The following ATF7IP variants were observed in gnomAD, a reference collection of about 807,000 sequenced individuals.
ATF7IP encodes the protein activating transcription factor 7 interacting protein, also known as activating transcription factor 7-interacting protein 1.
Under a neutral mutation model 106.4 loss-of-function variants are expected in ATF7IP, and 23 were observed. The observed-to-expected ratio is 0.22, with a 90% CI of 0.16 to 0.31. The LOEUF is 0.31. Ranked by LOEUF, ATF7IP falls within the 10% of genes least tolerant of loss-of-function variation. The probability of loss-of-function intolerance (pLI) is 1.00; values close to 1 mark genes in which losing one functional copy is unlikely to be tolerated. For missense variants in ATF7IP, 1,334 were observed against 1,524.3 expected (o/e 0.88, Z 2.08); for synonymous variants, 542 against 539.0 (o/e 1.01, Z -0.08).
intron 1 of ATF7IP, 141 bp from the exon 2 acceptor site, chr12:14,423,768 C>A: frequency 1.1e-6 from 1 of 888,904 alleles, no homozygotes; most frequent in Non-Finnish European, 1.6e-6. Context: ...AATTAGTATA[C>A]AACAAGCAGT....
chr12:14,496,392 A>G (rs1470117590), intron 14 of ATF7IP, 49 bp downstream of exon 14: 2 of 1,240,568 alleles, frequency 1.6e-6, no homozygotes, highest in South Asian at 2.5e-5. Flanking sequence ...TAGAGGTATA[A>G]AATATTATTG....
intron 6 of ATF7IP, among the ~76,000 whole-genome samples, chr12:14,450,670 G>A (rs2136679033): frequency 6.6e-6 from 1 of 152,190 alleles, no homozygotes; most frequent in Non-Finnish European, 1.5e-5. Flanking sequence ...CCTAATAAAT[G>A]GAATTTGAAA....
intron 1 of ATF7IP, among the ~76,000 whole-genome samples, chr12:14,381,214 A>G (rs1055806679): frequency 1.3e-5 from 2 of 152,118 alleles, no homozygotes; most frequent in Non-Finnish European, 2.9e-5. Flanking sequence ...GGATTGCTAC[A>G]TTAGTTACAA....
At chr12:14,387,644 C>T (rs1311756824) in intron 1 of ATF7IP, among the ~76,000 whole-genome samples, 1 of 152,036 alleles carries the variant, frequency 6.6e-6, no homozygotes, top group South Asian at 2.1e-4. Flanking sequence ...TAATTCTTTC[C>T]CTGCTGTGTT....
At chr12:14,430,143 C>T (rs1396670298) in intron 2 of ATF7IP, among the ~76,000 whole-genome samples, 2 of 152,008 alleles carry the variant, frequency 1.3e-5, no homozygotes, top group Non-Finnish European at 2.9e-5. Context: ...AAGAGCAGCC[C>T]CTGAGGTAGG....
At position 14,377,357 on chromosome 12, in the gene ATF7IP, AT is replaced by A. The variant is rs748791843; in HGVS notation, c.-8+11546del. On this transcript the variant is annotated intron_variant, in intron 1 of 14. Transcript: ENST00000261168. ...TACGGTTACAAATTTGATTTATCCAATTTTTTTTTTTTTTTTGAGACGTTGT... is the reference window on the plus strand; with the variant it reads ...TACGGTTACAAATTTGATTTATCCAATTTTTTTTTTTTTTTGAGACGTTGT... 4.1e-3 allele frequency among the ~76,000 whole-genome samples: 457 copies of A among 112,654 alleles called. 1 individual carries two copies. Among genetic ancestry groups the A allele is most frequent in the Middle Eastern group, 0.016 (2 of 122 alleles). The allele number at this position is 112,654 out of a possible 152,430, so 73.9% of individuals were successfully genotyped here. A position where few individuals can be genotyped will look rare whatever the true frequency, so the allele number is the denominator to read the frequency against.
intron 13 of ATF7IP, among the ~76,000 whole-genome samples, chr12:14,485,396 G>A (rs1290519394): frequency 2.0e-5 from 3 of 151,948 alleles, no homozygotes; most frequent in Non-Finnish European, 4.4e-5. Context: ...CTGGACCCTA[G>A]AAATTTTACT....
intron 1 of ATF7IP, among the ~76,000 whole-genome samples, chr12:14,409,816 G>C (rs1940807164): frequency 6.6e-6 from 1 of 152,096 alleles, no homozygotes; most frequent in Admixed American, 6.6e-5. Flanking sequence ...TCTTGGTATA[G>C]TTGTTCTGTC....
chr12:14,432,414 G>A (rs1475361621), intron 2 of ATF7IP, among the ~76,000 whole-genome samples: 1 of 152,148 alleles, frequency 6.6e-6, no homozygotes, highest in Non-Finnish European at 1.5e-5. Flanking sequence ...TTACAAGAAA[G>A]CAAACAAATT....
intron 8 of ATF7IP, among the ~76,000 whole-genome samples, chr12:14,460,263 T>A (rs151159867): frequency 4.5e-4 from 68 of 152,298 alleles, no homozygotes; most frequent in African/African-American, 1.6e-3. Flanking sequence ...TGCATATTAA[T>A]CATCGATCAT....
At chr12:14,477,783 T>C (rs1028871874) in intron 11 of ATF7IP, among the ~76,000 whole-genome samples, 10 of 148,140 alleles carry the variant, frequency 6.8e-5, no homozygotes, top group Non-Finnish European at 1.5e-5. Context: ...TTTCCTGTTT[T>C]TAAGAGTTTT....
chr12:14,472,044 GTATC>G lies in ATF7IP; in HGVS notation c.2863-3841_2863-3838del, dbSNP rs541130985. Reference sequence around the variant, plus strand: ...TGTATTAAAAGCCTTTAGAATAAAAGTATCTATCCATATTTATTTTTTAAAGCCA... The same window carrying G: ...TGTATTAAAAGCCTTTAGAATAAAAGTATCCATATTTATTTTTTAAAGCCA... On this transcript the variant is annotated intron_variant, in intron 10 of 14. Coordinates refer to ENST00000261168, the MANE Select transcript of ATF7IP (RefSeq NM_018179.5). Among the ~76,000 whole-genome samples, 1,031 of 152,242 alleles carry G rather than the reference GTATC, an allele frequency of 6.8e-3. 9 individuals carry two copies. Among genetic ancestry groups the G allele is most frequent in the Non-Finnish European group, 0.011 (768 of 68,004 alleles).
chr12:14,426,805 CAAAG>C (rs1399817545), intron 2 of ATF7IP, among the ~76,000 whole-genome samples: 6 of 65,656 alleles, frequency 9.1e-5, no homozygotes, highest in African/African-American at 3.1e-4. Context: ...GCCTGGGTGA[CAAAG>C]TAAGACCCTG....
intron 1 of ATF7IP, among the ~76,000 whole-genome samples, chr12:14,412,683 C>A (rs568215632): frequency 2.0e-5 from 3 of 151,822 alleles, no homozygotes; most frequent in Non-Finnish European, 4.4e-5. Flanking sequence ...ATTTTGTTAT[C>A]TGTAAATAAA....
Position 14,460,521 on chromosome 12 carries a change from C to T in ATF7IP, c.2185C>T (p.Pro729Ser). ...TVSSTNLVTP[P>S]AVVSSQPKLQ... ...ATCTTCAACCAATCTTGTCACTCCTCCAGCAGTTGTCAGTAGTCAACCTAA... is the reference window on the plus strand; with the variant it reads ...ATCTTCAACCAATCTTGTCACTCCTTCAGCAGTTGTCAGTAGTCAACCTAA... Residue 729 changes from proline to serine, a missense_variant, in exon 9 of 15, where the codon CCA (proline) becomes TCA (serine). By Grantham distance (74) the Pro-to-Ser change is moderately conservative. Coordinates refer to ENST00000261168, the MANE Select transcript of ATF7IP (RefSeq NM_018179.5). 2 of 1,614,032 alleles carry T rather than the reference C, an allele frequency of 1.2e-6. No individual in the cohort carries two copies. The highest frequency in any genetic ancestry group is 1.7e-6 in the Non-Finnish European group (2 of 1,179,960).
chr12:14,487,493 A>G (rs756790532), intron 13 of ATF7IP, among the ~76,000 whole-genome samples: 2 of 152,138 alleles, frequency 1.3e-5, no homozygotes, highest in East Asian at 1.9e-4. Flanking sequence ...CTCACATATC[A>G]CAGGCTTTAT....
rs1942293961 is a variant in ATF7IP, at chr12:14,434,341, A to G, written c.1563A>G (p.Glu521=). ...CTTTTCTATATTTGTTAACAGCAGAAGTAGAAAGTAATGAAAAGGACAACA... is the reference window on the plus strand; with the variant it reads ...CTTTTCTATATTTGTTAACAGCAGAGGTAGAAAGTAATGAAAAGGACAACA... ...ISQNETCSPA[E]VESNEKDNKP... is the part of the protein sequence containing the mutation. Residue 521 remains glutamate, a synonymous_variant, in exon 3 of 15, where the codon GAA becomes GAG. Coordinates refer to ENST00000261168, the MANE Select transcript of ATF7IP (RefSeq NM_018179.5). 6.6e-7 allele frequency: 1 copy of G among 1,522,218 alleles called. No homozygotes were observed. Among genetic ancestry groups the G allele is most frequent in the Non-Finnish European group, 9.1e-7 (1 of 1,104,070 alleles). The allele number at this position is 1,522,218 out of a possible 1,614,324, so 94.3% of individuals were successfully genotyped here. A position where few individuals can be genotyped will look rare whatever the true frequency, so the allele number is the denominator to read the frequency against.
Position 14,419,546 on chromosome 12 carries a change from A to G in ATF7IP, c.-7-4363A>G, listed in dbSNP as rs1029632115. On this transcript the variant is annotated intron_variant, in intron 1 of 14. Transcript: ENST00000261168. ...GAAATACTTAAAGGGTAACTATACTACTTATATTATAAACTTAATTATTTT... is the reference window on the plus strand; with the variant it reads ...GAAATACTTAAAGGGTAACTATACTGCTTATATTATAAACTTAATTATTTT... Among the ~76,000 whole-genome samples the G allele has an allele frequency of 8.3e-4, 127 of 152,294 alleles. 2 individuals carry two copies. The highest frequency in any genetic ancestry group is 2.9e-3 in the African/African-American group (122 of 41,574).
Position 14,480,983 on chromosome 12 carries a change from C to A in ATF7IP, c.3098-20C>A, listed in dbSNP as rs1384995121. Reference sequence around the variant, plus strand: ...GTAGAATTTACTGTATTCTTAATATCTTTTTCTGCCTTGCATTAGCTCCAA... The same window carrying A: ...GTAGAATTTACTGTATTCTTAATATATTTTTCTGCCTTGCATTAGCTCCAA... On this transcript the variant is annotated intron_variant, in intron 12 of 14. Transcript: ENST00000261168. 6.2e-7 allele frequency: 1 copy of A among 1,609,806 alleles called. No individual in the cohort carries two copies. Among genetic ancestry groups the A allele is most frequent in the Non-Finnish European group, 8.5e-7 (1 of 1,177,892 alleles).
Sources: gnomAD v4.1 joint callset for allele counts (sites outside exome capture counted in the v4.1 genomes callset) on GRCh38, gnomAD v4.1.1 for gene constraint, MANE v1.5 for transcripts, NCBI Gene and HGNC (gene_info 2026-07-23, HGNC 2026-07-21) for gene names.